The following KIAA0825 variants were observed in gnomAD, a reference collection of about 807,000 sequenced individuals.
The protein encoded by KIAA0825 is KIAA0825.
In KIAA0825, 119 loss-of-function variants were observed where a neutral mutation model predicts 147.6. The observed-to-expected ratio is 0.81, with a 90% CI of 0.69 to 0.94. The LOEUF is 0.94. Ranked by LOEUF, KIAA0825 falls within the 40% of genes least tolerant of loss-of-function variation. KIAA0825 has a pLI of 0.00. For missense variants in KIAA0825, 1,381 were observed against 1,472.7 expected (o/e 0.94, Z 1.02); for synonymous variants, 470 against 518.1 (o/e 0.91, Z 1.26).
intron 20 of KIAA0825, among the ~76,000 whole-genome samples, chr5:94,160,708 T>G (rs1767494259): frequency 6.6e-6 from 1 of 150,462 alleles, no homozygotes. Flanking sequence ...TAATATATAA[T>G]ATATGTCTGT....
intron 7 of KIAA0825, among the ~76,000 whole-genome samples, chr5:94,474,222 G>A (rs1297417181): frequency 2.6e-5 from 4 of 152,196 alleles, no homozygotes; most frequent in South Asian, 4.1e-4. Context: ...ACAGTTGAGG[G>A]GCTGATGTTT....
rs555657491 is a variant in KIAA0825, at chr5:94,164,559, G to A, written c.3711-10435C>T. On this transcript the variant is annotated intron_variant, in intron 20 of 20. Coordinates refer to ENST00000682413, the MANE Select transcript of KIAA0825 (RefSeq NM_001145678.3). Reference sequence around the variant, plus strand: ...CCTGAGTAGCTGGGACTACAGACGCGTGCCACCACGTCCGGCTAATTTTTT... The same window carrying A: ...CCTGAGTAGCTGGGACTACAGACGCATGCCACCACGTCCGGCTAATTTTTT... 6.6e-5 allele frequency among the ~76,000 whole-genome samples: 10 copies of A among 151,956 alleles called. No individual in the cohort carries two copies. In the South Asian group the frequency reaches 8.3e-4, roughly 13 times the overall value.
chr5:94,353,036 A>C (rs1439842812), intron 20 of KIAA0825, among the ~76,000 whole-genome samples: 1 of 152,182 alleles, frequency 6.6e-6, no homozygotes, highest in Non-Finnish European at 1.5e-5. Context: ...GAACTTACTC[A>C]TGTAACCAAA....
At chr5:94,324,911 A>C (rs1269629908) in intron 20 of KIAA0825, among the ~76,000 whole-genome samples, 1 of 151,902 alleles carries the variant, frequency 6.6e-6, no homozygotes, top group East Asian at 1.9e-4. Context: ...GATTCTCCAA[A>C]TTCATTAAAA....
chr5:94,307,761 C>T (rs896496306), intron 20 of KIAA0825, among the ~76,000 whole-genome samples: 3 of 151,758 alleles, frequency 2.0e-5, no homozygotes, highest in Non-Finnish European at 4.4e-5. Flanking sequence ...TGGATCCCCA[C>T]AGAATCCTCT....
At chr5:94,465,235 T>C (rs1170522631) in intron 10 of KIAA0825, among the ~76,000 whole-genome samples, 176 bp from the exon 11 acceptor site, 1 of 152,234 alleles carries the variant, frequency 6.6e-6, no homozygotes, top group Non-Finnish European at 1.5e-5. Context: ...AAGGAACAGA[T>C]GTTTTATTTC....
chr5:94,418,800 T>C (rs1375586049), intron 14 of KIAA0825, among the ~76,000 whole-genome samples: 4 of 152,026 alleles, frequency 2.6e-5, no homozygotes, highest in African/African-American at 9.7e-5. Context: ...AGATTCCTAA[T>C]GAGATGACAC....
chr5:94,445,252 G>T (rs1757581199), intron 13 of KIAA0825, among the ~76,000 whole-genome samples: 1 of 152,162 alleles, frequency 6.6e-6, no homozygotes, highest in Non-Finnish European at 1.5e-5. Flanking sequence ...CATACTTGAA[G>T]TAAGTCCTTT....
intron 15 of KIAA0825, among the ~76,000 whole-genome samples, chr5:94,410,882 A>G (rs2150674581): frequency 8.5e-6 from 1 of 117,520 alleles, no homozygotes; most frequent in Admixed American, 8.8e-5. Context: ...TAGAAGGAAA[A>G]CAATACCTAT....
At chr5:94,257,056 CAT>C (rs1347167329) in intron 20 of KIAA0825, among the ~76,000 whole-genome samples, 12 of 152,076 alleles carry the variant, frequency 7.9e-5, no homozygotes, top group South Asian at 2.1e-4. Context: ...AAAAGGGACA[CAT>C]GTGACAACTA....
intron 15 of KIAA0825, chr5:94,413,274 G>A (rs767453241): frequency 5.9e-5 from 9 of 152,058 alleles, no homozygotes; most frequent in Non-Finnish European, 1.3e-4. Context: ...TTTAAGAAGG[G>A]GAATGGTTCC....
At chr5:94,544,657 A>C (rs1773977514) in intron 2 of KIAA0825, among the ~76,000 whole-genome samples, 1 of 152,104 alleles carries the variant, frequency 6.6e-6, no homozygotes, top group Non-Finnish European at 1.5e-5. Context: ...TTCAGGAGGG[A>C]AGAAAAGTAA....
chr5:94,177,034 A>G (rs1176867922), intron 20 of KIAA0825, among the ~76,000 whole-genome samples: 1 of 152,142 alleles, frequency 6.6e-6, no homozygotes, highest in Non-Finnish European at 1.5e-5. Flanking sequence ...AAAAACACCA[A>G]TGCACACCAC....
At chr5:94,312,768 G>T (rs1277754320) in intron 20 of KIAA0825, among the ~76,000 whole-genome samples, 1 of 151,396 alleles carries the variant, frequency 6.6e-6, no homozygotes, top group Non-Finnish European at 1.5e-5. Flanking sequence ...TTTAAATGTG[G>T]CAAATTAATA....
intron 1 of KIAA0825, chr5:94,594,561 CT>C: frequency 1.4e-6 from 1 of 738,240 alleles, no homozygotes; most frequent in Non-Finnish European, 2.5e-6. Context: ...TGGATCAAGG[CT>C]GCCACCAGGA....
At chr5:94,234,746 A>T (rs912099252) in intron 20 of KIAA0825, among the ~76,000 whole-genome samples, 1 of 152,160 alleles carries the variant, frequency 6.6e-6, no homozygotes, top group Non-Finnish European at 1.5e-5. Flanking sequence ...CACCAATGGG[A>T]TGGCCCAAGG....
chr5:94,236,017 ATGT>A (rs773533434), intron 20 of KIAA0825, among the ~76,000 whole-genome samples: 52 of 152,336 alleles, frequency 3.4e-4, no homozygotes, highest in Middle Eastern at 3.4e-3. Context: ...AAGGAGATTC[ATGT>A]TGTTTTTATG....
chr5:94,523,990 G>A lies in KIAA0825; in HGVS notation c.240C>T (p.Tyr80=), dbSNP rs1360631020. 6.2e-7 allele frequency: 1 copy of A among 1,608,412 alleles called. No individual in the cohort carries two copies. The highest frequency in any genetic ancestry group is 8.5e-7 in the Non-Finnish European group (1 of 1,176,296). ...DCFEWLTNYN[Y]STSESSFISH... is the part of the protein sequence containing the mutation. ...AAATGAAAGATGATTCAGATGTACT[G>A]TAATTATAGTTAGTTAGCCATTCAA... Residue 80 remains tyrosine (Y), a synonymous_variant, in exon 4 of 21, where the codon TAC becomes TAT. Coordinates refer to ENST00000682413, the MANE Select transcript of KIAA0825 (RefSeq NM_001145678.3).
chr5:94,462,060 C>T (rs185231425), intron 12 of KIAA0825, among the ~76,000 whole-genome samples: 10 of 151,858 alleles, frequency 6.6e-5, no homozygotes, highest in African/African-American at 2.2e-4. Flanking sequence ...AAAATCACTG[C>T]GATAACCAGG....
Sources: allele counts gnomAD v4.1 joint callset (sites outside exome capture counted in the v4.1 genomes callset), GRCh38; gene constraint gnomAD v4.1.1; transcripts MANE v1.5; gene names NCBI Gene and HGNC (gene_info 2026-07-23, HGNC 2026-07-21).